BRINP2: variants seen among roughly 807,000 people sequenced by gnomAD.
The protein encoded by BRINP2 is BMP/retinoic acid-inducible neural-specific protein 2.
A neutral mutation model predicts 69.2 loss-of-function variants in BRINP2; 21 were observed. That is an observed-to-expected ratio of 0.30 (90% CI 0.22 to 0.44). BRINP2 has a LOEUF of 0.44. Among genes scored for constraint, BRINP2 ranks in the 20% least tolerant of loss-of-function variants. The pLI, the probability that BRINP2 is intolerant of heterozygous loss-of-function variation, is 1.00. For missense variants in BRINP2, 877 were observed against 986.0 expected (o/e 0.89, Z 1.48); for synonymous variants, 380 against 394.1 (o/e 0.96, Z 0.42).
intron 1 of BRINP2, among the ~76,000 whole-genome samples, chr1:177,187,968 G>A (rs1243064761): frequency 6.6e-6 from 1 of 152,054 alleles, no homozygotes; most frequent in Non-Finnish European, 1.5e-5. Flanking sequence ...GTTACCTAGG[G>A]CCAAAGATTT....
chr1:177,244,065 T>C (rs1650297255), intron 2 of BRINP2, among the ~76,000 whole-genome samples: 2 of 151,286 alleles, frequency 1.3e-5, no homozygotes, highest in African/African-American at 4.9e-5. Context: ...CCACAAGGAG[T>C]GGAATGCAAA....
At chr1:177,242,636 T>C in intron 2 of BRINP2, among the ~76,000 whole-genome samples, 1 of 152,228 alleles carries the variant, frequency 6.6e-6, no homozygotes, top group East Asian at 1.9e-4. Context: ...AGTTTATTCA[T>C]ATTTTTACCA....
chr1:177,280,733 G>A lies in BRINP2; in HGVS notation c.1557G>A (p.Gln519=). The change falls in exon 8 of 8, where the codon CAG becomes CAA. Residue 519 remains glutamine (Q), a synonymous_variant. Coordinates refer to ENST00000361539, the MANE Select transcript of BRINP2 (RefSeq NM_021165.4). ...LQDLELKYLL[Q]KQDSRIEVHS... Reference sequence around the variant, plus strand: ...ACCTGGAGCTAAAGTACCTGCTGCAGAAGCAGGATAGCCGCATTGAGGTAC... The same window carrying A: ...ACCTGGAGCTAAAGTACCTGCTGCAAAAGCAGGATAGCCGCATTGAGGTAC... 6.2e-7 allele frequency: 1 copy of A among 1,614,240 alleles called. No homozygotes were observed. The highest frequency in any genetic ancestry group is 8.5e-7 in the Non-Finnish European group (1 of 1,180,038).
chr1:177,179,408 G>T (rs1322999107), intron 1 of BRINP2, among the ~76,000 whole-genome samples: 2 of 152,160 alleles, frequency 1.3e-5, no homozygotes, highest in Non-Finnish European at 2.9e-5. Flanking sequence ...ACTGCTGGAG[G>T]TACCACACTC....
chr1:177,230,807 GT>G (rs1022261344), intron 2 of BRINP2, among the ~76,000 whole-genome samples: 5 of 152,254 alleles, frequency 3.3e-5, no homozygotes, highest in Admixed American at 2.6e-4. Flanking sequence ...CAAAAATAGA[GT>G]GCTCCTCCAC....
At position 177,257,171 on chromosome 1, in the gene BRINP2, C is replaced by T; in HGVS notation, c.461-5C>T. On this transcript the variant is annotated splice_polypyrimidine_tract_variant and splice_region_variant and intron_variant, in intron 3 of 7. Transcript: ENST00000361539. ...TCACCAATACACTCGTGTTGTTCAC[C>T]ATAGGAGAAGAGTCCCTGACCATTT... 1 of 1,613,768 alleles carries T rather than the reference C, an allele frequency of 6.2e-7. No individual in the cohort carries two copies. Among genetic ancestry groups the T allele is most frequent in the Non-Finnish European group, 8.5e-7 (1 of 1,179,894 alleles).
chr1:177,262,773 GA>G (rs1650999311), intron 4 of BRINP2, among the ~76,000 whole-genome samples: 1 of 152,178 alleles, frequency 6.6e-6, no homozygotes, highest in African/African-American at 2.4e-5. Context: ...CTAACAGGAA[GA>G]AAAGGGAATA....
Position 177,278,616 on chromosome 1 carries a change from A to C in BRINP2, c.1066A>C (p.Thr356Pro), listed in dbSNP as rs749763065. Residue 356 changes from threonine to proline, a missense_variant, in exon 7 of 8, where the codon ACA (threonine) becomes CCA (proline). Coordinates refer to ENST00000361539, the MANE Select transcript of BRINP2 (RefSeq NM_021165.4). Reference protein sequence around the residue: ...RLPDDRFLNSTAISQFWAMDT... With the variant: ...RLPDDRFLNSPAISQFWAMDT... ...GCCCGATGACCGGTTCCTGAACTCC[A>C]CAGCTATCTCCCAGTTCTGGGCCAT... 6.2e-7 allele frequency: 1 copy of C among 1,614,172 alleles called. No homozygotes were observed. The highest frequency in any genetic ancestry group is 8.5e-7 in the Non-Finnish European group (1 of 1,180,040).
chr1:177,178,688 T>C (rs1435194378), intron 1 of BRINP2, among the ~76,000 whole-genome samples: 1 of 152,224 alleles, frequency 6.6e-6, no homozygotes, highest in East Asian at 1.9e-4. Flanking sequence ...GGCCATCTCC[T>C]GCACCAAGCA....
At chr1:177,251,341 G>A (rs1381287740) in intron 2 of BRINP2, among the ~76,000 whole-genome samples, 1 of 152,212 alleles carries the variant, frequency 6.6e-6, no homozygotes, top group African/African-American at 2.4e-5. Context: ...AAAGTGGAAT[G>A]TTCTGGGTAA....
chr1:177,214,164 G>A (rs1468724101), intron 1 of BRINP2, among the ~76,000 whole-genome samples: 1 of 152,210 alleles, frequency 6.6e-6, no homozygotes, highest in African/African-American at 2.4e-5. Flanking sequence ...GGGTGCGGTA[G>A]CTCATGCCTG....
At position 177,256,049 on chromosome 1, in the gene BRINP2, G is replaced by T. The variant is rs1050437939; in HGVS notation, c.400G>T (p.Val134Phe). The change falls in exon 3 of 8, where the codon GTT (valine) becomes TTT (phenylalanine). Residue 134 changes from valine (V) to phenylalanine (F), a missense_variant. Coordinates refer to ENST00000361539, the MANE Select transcript of BRINP2 (RefSeq NM_021165.4). ...LLGRRPNLQQVTENLIKKYGT... is the reference protein window; with the variant it reads ...LLGRRPNLQQFTENLIKKYGT... ...TGGAAGGAGACCCAATCTGCAACAG[G>T]TTACAGAAAATCTGATTAAAAAGTA... The T allele has an allele frequency of 2.5e-6, 4 of 1,614,072 alleles. No individual in the cohort carries two copies. Among genetic ancestry groups the T allele is most frequent in the Non-Finnish European group, 3.4e-6 (4 of 1,180,046 alleles).
intron 1 of BRINP2, among the ~76,000 whole-genome samples, chr1:177,203,694 G>A (rs1648988032): frequency 6.6e-6 from 1 of 152,112 alleles, no homozygotes; most frequent in Admixed American, 6.6e-5. Flanking sequence ...ACATTTTTGA[G>A]TGCCGCTTAT....
intron 4 of BRINP2, among the ~76,000 whole-genome samples, chr1:177,261,596 A>C (rs1450731397): frequency 6.6e-6 from 1 of 152,252 alleles, no homozygotes; most frequent in African/African-American, 2.4e-5. Flanking sequence ...ATCTTACTAG[A>C]GAAATCTAAC....
At chr1:177,233,544 T>C (rs1649927399) in intron 2 of BRINP2, among the ~76,000 whole-genome samples, 1 of 152,228 alleles carries the variant, frequency 6.6e-6, no homozygotes, top group Admixed American at 6.5e-5. Flanking sequence ...CTTTAATGTC[T>C]GCTGAGGGTC....
intron 4 of BRINP2, among the ~76,000 whole-genome samples, chr1:177,266,616 C>T (rs146586891): frequency 2.5e-3 from 382 of 151,238 alleles, no homozygotes; most frequent in African/African-American, 8.2e-3. Context: ...AAAAATTAGC[C>T]GGGCGTGGTG....
At chr1:177,187,124 C>T (rs1296807023) in intron 1 of BRINP2, among the ~76,000 whole-genome samples, 2 of 152,164 alleles carry the variant, frequency 1.3e-5, no homozygotes, top group Non-Finnish European at 2.9e-5. Context: ...CATTTCAAAA[C>T]CTATCAAGAT....
chr1:177,213,842 G>A (rs1649297987), intron 1 of BRINP2, among the ~76,000 whole-genome samples: 1 of 152,122 alleles, frequency 6.6e-6, no homozygotes, highest in East Asian at 1.9e-4. Context: ...CTAGCTAAAT[G>A]GAATGTTCTT....
intron 1 of BRINP2, among the ~76,000 whole-genome samples, chr1:177,195,614 C>A (rs1020004536): frequency 9.2e-5 from 14 of 151,550 alleles, no homozygotes; most frequent in African/African-American, 3.4e-4. Flanking sequence ...AGTTATTTAA[C>A]CCCTCTGGCT....
Sources: gnomAD v4.1 joint callset for allele counts (sites outside exome capture counted in the v4.1 genomes callset) on GRCh38, gnomAD v4.1.1 for gene constraint, MANE v1.5 for transcripts, NCBI Gene and HGNC (gene_info 2026-07-23, HGNC 2026-07-21) for gene names.